C12orf42: variants seen among roughly 807,000 people sequenced by gnomAD.
The protein encoded by C12orf42 is uncharacterized protein C12orf42.
C12orf42 carries 25 observed loss-of-function variants against 21.6 expected under a neutral mutation model. The ratio of observed to expected loss-of-function variants is 1.16; its 90% CI spans 0.84 to 1.62. The LOEUF (loss-of-function observed/expected upper bound fraction) is 1.62. Ranked by LOEUF, C12orf42 falls within the 40% of genes most tolerant of loss-of-function variation. C12orf42 has a pLI of 0.00. For synonymous variants in C12orf42, 174 were observed against 175.0 expected (o/e 0.99, Z 0.05); for missense variants, 483 against 459.3 (o/e 1.05, Z -0.47).
At chr12:103,387,832 C>G (rs2046741290) in intron 3 of C12orf42, among the ~76,000 whole-genome samples, 2 of 152,182 alleles carry the variant, frequency 1.3e-5, no homozygotes, top group African/African-American at 2.4e-5. Flanking sequence ...TGCGCTCTGC[C>G]ATCATACCTT....
the C12orf42 span, among the ~76,000 whole-genome samples, chr12:103,124,752 T>A: frequency 6.6e-6 from 1 of 152,142 alleles, no homozygotes; most frequent in Non-Finnish European, 1.5e-5. Context: ...ACACTACACA[T>A]CTTATATCTA....
the C12orf42 span, among the ~76,000 whole-genome samples, chr12:103,523,908 G>A: frequency 2.2e-4 from 34 of 151,754 alleles, no homozygotes; most frequent in Non-Finnish European, 4.1e-4. Flanking sequence ...CAGGATGGAG[G>A]CCTGTGAGCC....
the C12orf42 span, among the ~76,000 whole-genome samples, chr12:103,543,954 C>T: frequency 5.3e-5 from 8 of 149,876 alleles, no homozygotes; most frequent in South Asian, 8.4e-4. Context: ...AGTGCAGTGG[C>T]GCGATCTCAG....
the C12orf42 span, among the ~76,000 whole-genome samples, chr12:103,543,816 T>A: frequency 6.6e-6 from 1 of 152,110 alleles, no homozygotes; most frequent in East Asian, 1.9e-4. Context: ...TCTGGGAATA[T>A]CTTTATTATG....
At chr12:103,195,650 T>C in the C12orf42 span, among the ~76,000 whole-genome samples, 1 of 152,138 alleles carries the variant, frequency 6.6e-6, no homozygotes, top group African/African-American at 2.4e-5. Flanking sequence ...TGTTTTTTGC[T>C]CATTAATATT....
the C12orf42 span, among the ~76,000 whole-genome samples, chr12:103,071,163 C>T: frequency 6.6e-6 from 1 of 152,106 alleles, no homozygotes; most frequent in African/African-American, 2.4e-5. Context: ...GCAGTTTCTA[C>T]CCATGTCATG....
chr12:103,543,706 T>A, the C12orf42 span, among the ~76,000 whole-genome samples: 1 of 152,204 alleles, frequency 6.6e-6, no homozygotes, highest in Non-Finnish European at 1.5e-5. Flanking sequence ...TCTTAGCTTA[T>A]CACCATAAAG....
chr12:103,303,559 C>G (rs1227646051), intron 5 of C12orf42, among the ~76,000 whole-genome samples: 1 of 151,996 alleles, frequency 6.6e-6, no homozygotes, highest in Non-Finnish European at 1.5e-5. Context: ...CAGATCATTC[C>G]AAAATTCAAA....
the C12orf42 span, among the ~76,000 whole-genome samples, chr12:103,230,987 T>C: frequency 1.3e-5 from 2 of 152,274 alleles, no homozygotes; most frequent in African/African-American, 4.8e-5. Flanking sequence ...TTATTATTTA[T>C]ATAATATTTA....
At chr12:103,384,143 TTTC>T (rs988716196) in intron 3 of C12orf42, among the ~76,000 whole-genome samples, 20 of 152,206 alleles carry the variant, frequency 1.3e-4, no homozygotes, top group African/African-American at 3.9e-4. Context: ...AAGTACATAA[TTTC>T]TTCTTCTTAA....
At chr12:103,554,497 G>A in the C12orf42 span, among the ~76,000 whole-genome samples, 2 of 152,010 alleles carry the variant, frequency 1.3e-5, no homozygotes, top group African/African-American at 4.8e-5. Flanking sequence ...AGGGTTTAAG[G>A]GCAAATAGTC....
intron 10 of C12orf42, among the ~76,000 whole-genome samples, chr12:103,257,008 A>C (rs1412442198): frequency 2.0e-5 from 3 of 152,162 alleles, no homozygotes; most frequent in African/African-American, 7.2e-5. Context: ...TGCAGTACAT[A>C]TACACCATGA....
the C12orf42 span, among the ~76,000 whole-genome samples, chr12:103,204,234 T>C: frequency 1.3e-5 from 2 of 152,194 alleles, no homozygotes; most frequent in Admixed American, 1.3e-4. Flanking sequence ...CTAAGTGACA[T>C]AGTTCTTAAA....
At chr12:103,408,254 T>C (rs571099032) in intron 2 of C12orf42, among the ~76,000 whole-genome samples, 11 of 152,270 alleles carry the variant, frequency 7.2e-5, no homozygotes, top group Non-Finnish European at 1.3e-4. Flanking sequence ...TACACACCAT[T>C]TTTAGGAATT....
the C12orf42 span, among the ~76,000 whole-genome samples, chr12:103,218,019 C>T: frequency 1.4e-4 from 22 of 152,128 alleles, no homozygotes; most frequent in East Asian, 3.9e-4. Context: ...CGGTGGCTCA[C>T]GCCTGTAATC....
chr12:103,197,420 G>A, the C12orf42 span, among the ~76,000 whole-genome samples: 2 of 151,942 alleles, frequency 1.3e-5, no homozygotes, highest in Non-Finnish European at 2.9e-5. Flanking sequence ...GACCAGTTTG[G>A]GTCATTCATA....
intron 4 of C12orf42, among the ~76,000 whole-genome samples, chr12:103,346,980 A>G (rs941738172): frequency 6.6e-6 from 1 of 152,228 alleles, no homozygotes; most frequent in African/African-American, 2.4e-5. Context: ...AGAAATATGG[A>G]ACAGCTTGTT....
chr12:103,110,183 A>T, the C12orf42 span, among the ~76,000 whole-genome samples: 1 of 152,350 alleles, frequency 6.6e-6, no homozygotes, highest in East Asian at 1.9e-4. Context: ...GGATAAACAA[A>T]TGCATTACAT....
At chr12:103,087,832 A>C in the C12orf42 span, among the ~76,000 whole-genome samples, 1 of 152,246 alleles carries the variant, frequency 6.6e-6, no homozygotes, top group Non-Finnish European at 1.5e-5. Flanking sequence ...GACATGATTA[A>C]AATGTTTAAT....
Sources: gnomAD v4.1 joint callset for allele counts (sites outside exome capture counted in the v4.1 genomes callset) on GRCh38, gnomAD v4.1.1 for gene constraint, MANE v1.5 for transcripts, NCBI Gene and HGNC (gene_info 2026-07-23, HGNC 2026-07-21) for gene names.